MAP4: variants seen among roughly 807,000 people sequenced by gnomAD.
MAP4 encodes microtubule-associated protein 4.
Under a neutral mutation model 170.2 loss-of-function variants are expected in MAP4, and 76 were observed. That is an observed-to-expected ratio of 0.45 (90% CI 0.37 to 0.54). The LOEUF is 0.54. Ranked by LOEUF, MAP4 falls within the 20% of genes least tolerant of loss-of-function variation. The pLI is 0.00. For missense variants in MAP4, 2,506 were observed against 2,748.0 expected (o/e 0.91, Z 1.97); for synonymous variants, 909 against 994.5 (o/e 0.91, Z 1.62).
chr3:48,033,694 A>T (rs1211659269), intron 1 of MAP4, among the ~76,000 whole-genome samples: 1 of 152,004 alleles, frequency 6.6e-6, no homozygotes, highest in Non-Finnish European at 1.5e-5. Context: ...TCCGCCTCCG[A>T]GGTTCAAGTG....
At chr3:48,066,779 CTG>C (rs2100138423) in intron 1 of MAP4, among the ~76,000 whole-genome samples, 1 of 140,404 alleles carries the variant, frequency 7.1e-6, no homozygotes, top group Admixed American at 7.3e-5. Flanking sequence ...TTGAAAATAG[CTG>C]TCCCCACCTC....
intron 3 of MAP4, chr3:47,974,847 C>T: frequency 1.0e-6 from 1 of 966,088 alleles, no homozygotes; most frequent in Non-Finnish European, 1.2e-6. Context: ...CTCAGAACTA[C>T]TCAATTTAAA....
At chr3:48,042,737 G>A (rs2100122305) in intron 1 of MAP4, among the ~76,000 whole-genome samples, 1 of 152,124 alleles carries the variant, frequency 6.6e-6, no homozygotes, top group South Asian at 2.1e-4. Context: ...CCATATGAAA[G>A]CAGAAATAAC....
intron 3 of MAP4, among the ~76,000 whole-genome samples, chr3:47,957,092 T>C (rs1313917786): frequency 1.3e-5 from 2 of 152,224 alleles, no homozygotes; most frequent in African/African-American, 2.4e-5. Flanking sequence ...CTGCCTATAA[T>C]GTTTTTGGCA....
chr3:47,906,203 A>C (rs1320865381), intron 9 of MAP4, among the ~76,000 whole-genome samples: 2 of 152,074 alleles, frequency 1.3e-5, no homozygotes, highest in Non-Finnish European at 2.9e-5. Flanking sequence ...AGGCCTACAG[A>C]GAGCAATATG....
In MAP4 at chr3:47,910,159, G is replaced by A. The variant is rs1401822008; in HGVS notation, c.4262C>T (p.Thr1421Ile). 1.2e-6 allele frequency: 2 copies of A among 1,613,966 alleles called. No individual in the cohort carries two copies. The highest frequency in any genetic ancestry group is 1.7e-6 in the Non-Finnish European group (2 of 1,179,878). ...TGATTTATTTATCAGCTCTGATGGT[G>A]TTCTGGGACAGGTAAATGTAATATT... Reference protein sequence around the residue: ...NRNITFTCPRTPSELINKSSP... With the variant: ...NRNITFTCPRIPSELINKSSP... Residue 1421 changes from threonine (T) to isoleucine (I), a missense_variant, in exon 9 of 21, where the codon ACA becomes ATA. Transcript: ENST00000683076.
upstream of MAP4, among the ~76,000 whole-genome samples, chr3:48,019,356 A>C (rs1442606827): frequency 6.6e-6 from 1 of 152,166 alleles, no homozygotes; most frequent in African/African-American, 2.4e-5. Context: ...GGACAGAGAG[A>C]GAAAGAGAGA....
In MAP4 at chr3:47,851,480, C is replaced by T. The variant is rs898445959; in HGVS notation, c.*1454G>A. The T allele has an allele frequency of 6.6e-6, 1 of 152,204 alleles. No homozygotes were observed. The highest frequency in any genetic ancestry group is 6.5e-5 in the Admixed American group (1 of 15,272). 9.4% of individuals were successfully genotyped at this position (152,204 alleles called of 1,614,324 possible). Reference sequence around the variant, plus strand: ...AGGAGGCCAAGTCTGGGGCAGCCTCCTCAGAGGCAAATCTACACTGCAGCC... The same window carrying T: ...AGGAGGCCAAGTCTGGGGCAGCCTCTTCAGAGGCAAATCTACACTGCAGCC... On this transcript the variant is annotated 3_prime_UTR_variant, in exon 21 of 21. Coordinates refer to ENST00000683076, the MANE Select transcript of MAP4 (RefSeq NM_001385682.1).
chr3:47,929,376 G>A (rs73087134), intron 3 of MAP4, among the ~76,000 whole-genome samples: 6,119 of 152,084 alleles, frequency 0.04, 188 homozygotes, highest in Non-Finnish European at 0.055. Flanking sequence ...TATTGACAAC[G>A]TGGTATTGGA....
rs2100095051 is a variant in MAP4, at chr3:47,995,601, A to G, written c.223+3037T>C. 2.0e-5 allele frequency among the ~76,000 whole-genome samples: 3 copies of G among 152,072 alleles called. No homozygotes were observed. In the South Asian group the frequency reaches 6.2e-4, roughly 31 times the overall value. ...ATTAGAACTCTCGGTACTTTTTTAA[A>G]TGAGTTGTGGTCTGCCCCCCCTCCC... On this transcript the variant is annotated intron_variant, in intron 2 of 20. Transcript: ENST00000683076.
chr3:47,921,931 A>T, intron 4 of MAP4, 53 bp from the exon 5 acceptor site: 1 of 812,196 alleles, frequency 1.2e-6, no homozygotes, highest in Non-Finnish European at 2.1e-6. Context: ...AACTAGAAAG[A>T]TTAATATTTC....
intron 1 of MAP4, among the ~76,000 whole-genome samples, chr3:48,088,603 TG>T (rs2100150670): frequency 6.9e-6 from 1 of 144,880 alleles, no homozygotes; most frequent in Admixed American, 7.0e-5. Flanking sequence ...GCCCCCCGCC[TG>T]GCCCCCTCCC....
intron 2 of MAP4, among the ~76,000 whole-genome samples, chr3:47,979,732 A>G (rs1037314603): frequency 2.0e-5 from 3 of 152,196 alleles, no homozygotes; most frequent in African/African-American, 7.2e-5. Flanking sequence ...AAGTGCTGGG[A>G]TTACAGGCAT....
chr3:47,944,765 T>TTA (rs1038897292), intron 3 of MAP4, among the ~76,000 whole-genome samples: 6 of 151,542 alleles, frequency 4.0e-5, no homozygotes, highest in Admixed American at 6.6e-5. Flanking sequence ...TCCAAACTGT[T>TTA]TATATATATA....
intron 10 of MAP4, chr3:47,892,530 A>ACCTAATACCACCTACGCTC: frequency 6.7e-7 from 1 of 1,483,306 alleles, no homozygotes; most frequent in Middle Eastern, 1.9e-4. Flanking sequence ...TCGCTCCTGG[A>ACCTAATACCACCTACGCTC]GCTCTAATAC....
intron 18 of MAP4, among the ~76,000 whole-genome samples, chr3:47,856,252 C>T (rs530769756): frequency 9.4e-4 from 143 of 152,274 alleles, no homozygotes; most frequent in Non-Finnish European, 1.8e-3. Context: ...CGAGGTCTCC[C>T]GGTGTCCCAT....
Position 47,912,033 on chromosome 3 carries a change from CT to C in MAP4, c.2387del (p.Lys796SerfsTer36), listed in dbSNP as rs1461351586. ...GGPSDDDNAD[K>X]PKGHPFAADT... ...CAGCTGCAAATGGATGACCTTTAGGCTTATCTGCATTGTCATCATCCGAAGG... is the reference window on the plus strand; with the variant it reads ...CAGCTGCAAATGGATGACCTTTAGGCTATCTGCATTGTCATCATCCGAAGG... On this transcript the variant is annotated frameshift_variant, in exon 9 of 21. Coordinates refer to ENST00000683076, the MANE Select transcript of MAP4 (RefSeq NM_001385682.1). LOFTEE classifies it high-confidence loss of function. 1 of 1,535,988 alleles carries C rather than the reference CT, an allele frequency of 6.5e-7. No homozygotes were observed. The highest frequency in any genetic ancestry group is 1.4e-5 in the African/African-American group (1 of 73,018).
chr3:47,979,650 G>A (rs1464037019), intron 2 of MAP4, among the ~76,000 whole-genome samples: 1 of 151,676 alleles, frequency 6.6e-6, no homozygotes, highest in African/African-American at 2.4e-5. Context: ...TAGTAGAGAC[G>A]AGGTTTCACT....
chr3:48,050,046 G>T (rs552235903), intron 1 of MAP4, among the ~76,000 whole-genome samples: 3 of 148,442 alleles, frequency 2.0e-5, no homozygotes, highest in Admixed American at 6.7e-5. Flanking sequence ...GATCACCGGA[G>T]GTCAAGAGTT....
Sources: gnomAD v4.1 joint callset for allele counts (sites outside exome capture counted in the v4.1 genomes callset) on GRCh38, gnomAD v4.1.1 for gene constraint, MANE v1.5 for transcripts, NCBI Gene and HGNC (gene_info 2026-07-23, HGNC 2026-07-21) for gene names.